DDB1: variants seen among roughly 807,000 people sequenced by gnomAD.
DDB1 encodes DNA damage-binding protein 1.
DDB1 carries 18 observed loss-of-function variants against 133.1 expected under a neutral mutation model. That is an observed-to-expected ratio of 0.14 (90% CI 0.09 to 0.20). DDB1 has a LOEUF of 0.20. DDB1 is among the 10% of genes least tolerant of loss of function. The pLI is 1.00. For missense variants in DDB1, 828 were observed against 1,459.2 expected, an observed-to-expected ratio of 0.57 and a Z score of 7.05; for synonymous variants, 580 against 550.5, an observed-to-expected ratio of 1.05 and a Z score of -0.75.
In DDB1 at chr11:61,309,963, A is replaced by G. The variant is rs1399895565; in HGVS notation, c.2402-3T>C. 4.3e-6 allele frequency: 7 copies of G among 1,614,080 alleles called. No individual in the cohort carries two copies. Among genetic ancestry groups the G allele is most frequent in the Non-Finnish European group, 5.9e-6 (7 of 1,180,020 alleles). ...CAGAAACTGGTGGGCATGAAGCACT[A>G]GAGAGTAGAGAGATGACTACGTGAT... On this transcript the variant is annotated splice_region_variant and splice_polypyrimidine_tract_variant and intron_variant, in intron 19 of 26. Transcript: ENST00000301764.
chr11:61,313,864 G>A lies in DDB1; in HGVS notation c.1859C>T (p.Thr620Ile), dbSNP rs1240341201. The A allele has an allele frequency of 6.2e-7, 1 of 1,613,912 alleles. No homozygotes were observed. The highest frequency in any genetic ancestry group is 8.5e-7 in the Non-Finnish European group (1 of 1,179,950). ...CTCACTCAAAATACTACTCTCACCTGTCTCAATGTTGAGCCCAAAGTAGAA... is the reference window on the plus strand; with the variant it reads ...CTCACTCAAAATACTACTCTCACCTATCTCAATGTTGAGCCCAAAGTAGAA... ...ALFYFGLNIE[T>I]GLLSDRKKVT... Residue 620 changes from threonine to isoleucine, a missense_variant and splice_region_variant, in exon 15 of 27, where the codon ACA becomes ATA. Coordinates refer to ENST00000301764, the MANE Select transcript of DDB1 (RefSeq NM_001923.5).
chr11:61,303,261 G>T, intron 22 of DDB1, 106 bp from the exon 23 acceptor site: 1 of 971,346 alleles, frequency 1.0e-6, no homozygotes. Flanking sequence ...CCACCCTGCA[G>T]AAGATATAGC....
chr11:61,303,611 G>A (rs1855834346), intron 22 of DDB1, among the ~76,000 whole-genome samples: 2 of 150,006 alleles, frequency 1.3e-5, no homozygotes, highest in African/African-American at 5.0e-5. Context: ...GACTGAGGCA[G>A]GAGAATGGCG....
At position 61,324,062 on chromosome 11, in the gene DDB1, G is replaced by C; in HGVS notation, c.838C>G (p.Leu280Val). The change falls in exon 7 of 27, where the codon CTC becomes GTC. Residue 280 changes from leucine to valine, a missense_variant. Physicochemically the swap from Leu to Val is conservative, Grantham distance 32. This residue lies in a region of DDB1 where 35 missense variants were observed against 57.5 expected (regional missense o/e 0.61). Coordinates refer to ENST00000301764, the MANE Select transcript of DDB1 (RefSeq NM_001923.5). The part of the protein sequence containing the change: ...RYLLGDMEGR[L>V]FMLLLEKEEQ... ...TCCTTCTCCAAAAGCAGCATGAAGA[G>C]CCGGCCTTCCATGTCTCCCAGCAGG... The C allele has an allele frequency of 1.2e-6, 2 of 1,614,150 alleles. No homozygotes were observed. Among genetic ancestry groups the C allele is most frequent in the Non-Finnish European group, 1.7e-6 (2 of 1,180,020 alleles).
intron 22 of DDB1, 96 bp downstream of exon 22, chr11:61,303,769 C>T: frequency 1.4e-6 from 2 of 1,396,088 alleles, no homozygotes; most frequent in Non-Finnish European, 2.0e-6. Context: ...CATTTCTGCC[C>T]CTAATACTGG....
chr11:61,313,292 A>G (rs140197693), intron 16 of DDB1, among the ~76,000 whole-genome samples: 50 of 152,280 alleles, frequency 3.3e-4, no homozygotes, highest in Non-Finnish European at 5.9e-4. Context: ...TCAACCTCAG[A>G]CCCACTGAGG....
In DDB1 at chr11:61,325,784, T is replaced by C. The variant is rs775792715; in HGVS notation, c.665-76A>G. 2.5e-6 allele frequency: 3 copies of C among 1,187,314 alleles called. No individual in the cohort carries two copies. In the South Asian group the frequency reaches 3.8e-5, roughly 15 times the overall value. 73.5% of individuals were successfully genotyped at this position (1,187,314 alleles called of 1,614,324 possible). ...ACCAGGACTGGCAAAAGTACAGGTCTAGTTAGCCCCAAGGCAAACTTTAAG... is the reference window on the plus strand; with the variant it reads ...ACCAGGACTGGCAAAAGTACAGGTCCAGTTAGCCCCAAGGCAAACTTTAAG... On this transcript the variant is annotated intron_variant, in intron 5 of 26. Transcript: ENST00000301764.
intron 4 of DDB1, 179 bp downstream of exon 4, chr11:61,329,184 T>C (rs1701706096): frequency 1.7e-6 from 1 of 598,508 alleles, no homozygotes. Flanking sequence ...CAATAAGTAC[T>C]ACTGCACTCA....
chr11:61,303,329 GC>G, intron 22 of DDB1, 174 bp from the exon 23 acceptor site: 1 of 588,714 alleles, frequency 1.7e-6, no homozygotes, highest in Non-Finnish European at 3.0e-6. Context: ...TGCCAACGCA[GC>G]CCATTTGGTT....
intron 4 of DDB1, among the ~76,000 whole-genome samples, chr11:61,328,082 C>T (rs1047412546): frequency 2.0e-5 from 3 of 152,168 alleles, no homozygotes; most frequent in African/African-American, 4.8e-5. Context: ...GCTGGCAGCC[C>T]TGAAGCTTAG....
intron 6 of DDB1, chr11:61,324,356 A>G (rs1590697168): frequency 7.7e-6 from 4 of 516,520 alleles, no homozygotes; most frequent in African/African-American, 3.8e-5. Context: ...CTCCATCAAT[A>G]TATCTTATAT....
rs1283594411 is a variant in DDB1, at chr11:61,316,954, T to TATAG, written c.1226-388_1226-387insCTAT. 1.1e-3 allele frequency among the ~76,000 whole-genome samples: 10 copies of TATAG among 9,438 alleles called. 1 individual carries two copies. Among genetic ancestry groups the TATAG allele is most frequent in the Non-Finnish European group, 1.7e-3 (8 of 4,598 alleles). The allele number at this position is 9,438 out of a possible 152,430, so 6.2% of individuals were successfully genotyped here. ...AAAAAAAAAAAAGGATAGATATATA[T>TATAG]ATATATATATATATATATATATATA... On this transcript the variant is annotated intron_variant, in intron 10 of 26. Coordinates refer to ENST00000301764, the MANE Select transcript of DDB1 (RefSeq NM_001923.5).
At chr11:61,305,637 C>T (rs1025521337) in intron 21 of DDB1, among the ~76,000 whole-genome samples, 1 of 152,138 alleles carries the variant, frequency 6.6e-6, no homozygotes, top group African/African-American at 2.4e-5. Flanking sequence ...AAGAGTGAAG[C>T]GGGGGGCCTC....
intron 19 of DDB1, among the ~76,000 whole-genome samples, 167 bp downstream of exon 19, chr11:61,310,128 A>G (rs1242078923): frequency 2.6e-5 from 4 of 152,090 alleles, no homozygotes; most frequent in Non-Finnish European, 5.9e-5. Context: ...TAAGGAGAGG[A>G]TGCCCAGCCC....
intron 6 of DDB1, among the ~76,000 whole-genome samples, chr11:61,324,736 T>G (rs991990785): frequency 3.9e-5 from 6 of 152,246 alleles, no homozygotes; most frequent in Non-Finnish European, 8.8e-5. Flanking sequence ...TTTTAAGGCT[T>G]AATTTTTACA....
At chr11:61,304,646 G>A (rs1217120887) in intron 21 of DDB1, among the ~76,000 whole-genome samples, 2 of 151,686 alleles carry the variant, frequency 1.3e-5, no homozygotes, top group Admixed American at 1.3e-4. Context: ...AGGCCGAGAC[G>A]GGCAGATCAT....
chr11:61,325,571 A>G (rs756162053), intron 6 of DDB1, 40 bp downstream of exon 6: 2 of 1,554,338 alleles, frequency 1.3e-6, no homozygotes, highest in South Asian at 2.3e-5. Context: ...AGGACAAGGA[A>G]AGAAAAGATG....
At chr11:61,308,920 G>T in intron 21 of DDB1, 63 bp downstream of exon 21, 1 of 1,525,326 alleles carries the variant, frequency 6.6e-7, no homozygotes. Context: ...CAACCTAAGA[G>T]AGACACATTC....
At chr11:61,300,440 C>T (rs949775223) in intron 26 of DDB1, among the ~76,000 whole-genome samples, 1 of 152,196 alleles carries the variant, frequency 6.6e-6, no homozygotes, top group East Asian at 1.9e-4. Context: ...CTGCTATCCC[C>T]GAGACACCAT....
Sources: gnomAD v4.1 joint callset for allele counts (sites outside exome capture counted in the v4.1 genomes callset) on GRCh38, gnomAD v4.1.1 for gene constraint, gnomAD v4.1.1 regional missense constraint, MANE v1.5 for transcripts, NCBI Gene and HGNC (gene_info 2026-07-23, HGNC 2026-07-21) for gene names.